The following SPAG16 variants were observed in gnomAD, a reference collection of about 807,000 sequenced individuals.
The protein encoded by SPAG16 is sperm associated antigen 16.
A neutral mutation model predicts 80.4 loss-of-function variants in SPAG16; 86 were observed. That is an observed-to-expected ratio of 1.07 (90% confidence interval 0.90 to 1.28). The LOEUF (loss-of-function observed/expected upper bound fraction) is 1.28. Ranked by LOEUF, SPAG16 falls within the 50% of genes most tolerant of loss-of-function variation. The pLI, the probability that SPAG16 is intolerant of heterozygous loss-of-function variation, is 0.00. For missense variants in SPAG16, 870 were observed against 765.3 expected (o/e 1.14, Z -1.61); for synonymous variants, 294 against 265.9 (o/e 1.11, Z -1.03).
intron 10 of SPAG16, among the ~76,000 whole-genome samples, chr2:213,745,776 CG>C (rs1411346426): frequency 1.3e-5 from 2 of 151,976 alleles, no homozygotes; most frequent in African/African-American, 2.4e-5. Context: ...AAAGGGACAT[CG>C]GTTTGATTTT....
chr2:213,507,014 G>C (rs1014652804), intron 10 of SPAG16, among the ~76,000 whole-genome samples: 5 of 152,172 alleles, frequency 3.3e-5, no homozygotes, highest in Non-Finnish European at 7.3e-5. Context: ...TTTCCTGCAA[G>C]CTTAGGCAAA....
intron 15 of SPAG16, among the ~76,000 whole-genome samples, chr2:214,376,955 G>A (rs115533670): frequency 1.2e-3 from 176 of 152,254 alleles, no homozygotes; most frequent in African/African-American, 4.1e-3. Context: ...TACACATGCA[G>A]GCACTTACAG....
intron 10 of SPAG16, among the ~76,000 whole-genome samples, chr2:213,614,045 C>G (rs558541323): frequency 6.6e-6 from 1 of 152,204 alleles, no homozygotes; most frequent in African/African-American, 2.4e-5. Context: ...TCCCATCCTC[C>G]TGTTGTGTTG....
rs746631450 is a variant in SPAG16, at chr2:213,375,083, A to G, written c.906A>G (p.Gln302=). Residue 302 remains glutamine (Q), a synonymous_variant, in exon 9 of 16, where the codon CAA becomes CAG. Transcript: ENST00000331683. The stretch of plus-strand genomic sequence containing the variant: ...AAGGTCTTCGTGAAGCCAGGGAACA[A>G]AACAAATGTAAAACAAAGATGAAAG... The part of the protein sequence containing the change: ...TQKGLREARE[Q]NKCKTKMKGN... The G allele has an allele frequency of 1.1e-5, 18 of 1,608,804 alleles. No homozygotes were observed. The East Asian group carries it at 3.8e-4, about 34-fold the overall frequency.
chr2:214,167,548 A>G (rs1423541534), intron 15 of SPAG16, among the ~76,000 whole-genome samples: 2 of 152,114 alleles, frequency 1.3e-5, no homozygotes, highest in Non-Finnish European at 2.9e-5. Flanking sequence ...AAAGGAAAGG[A>G]TACTTTACTG....
rs1440515424 is a variant in SPAG16, at chr2:213,895,769, C to A, written c.1214+33141C>A. ...AACTGGATCCCCATCTTTTACCACA[C>A]ACAAAAATAAAAATGGACTAAAGAC... is the stretch of plus-strand genomic sequence containing the variant. On this transcript the variant is annotated intron_variant, in intron 11 of 15. Transcript: ENST00000331683. Among the ~76,000 whole-genome samples, 3 of 151,976 alleles carry A rather than the reference C, an allele frequency of 2.0e-5. No individual in the cohort carries two copies. In the East Asian group the frequency reaches 5.8e-4, roughly 29 times the overall value.
chr2:213,481,549 A>C (rs2073749602), intron 9 of SPAG16, among the ~76,000 whole-genome samples: 2 of 152,210 alleles, frequency 1.3e-5, no homozygotes, highest in African/African-American at 4.8e-5. Flanking sequence ...ATAACTACAT[A>C]CTATGTAAGT....
chr2:214,142,452 G>A (rs912662265), intron 14 of SPAG16, among the ~76,000 whole-genome samples: 1 of 152,014 alleles, frequency 6.6e-6, no homozygotes, highest in African/African-American at 2.4e-5. Context: ...ATTTTTGGTA[G>A]CTTCTTTTGA....
intron 13 of SPAG16, among the ~76,000 whole-genome samples, chr2:214,041,032 GTTTAT>G (rs2048977360): frequency 6.6e-6 from 1 of 150,648 alleles, no homozygotes; most frequent in Non-Finnish European, 1.5e-5. Flanking sequence ...GAGCCTTTTT[GTTTAT>G]TTTATTTTTA....
chr2:213,637,389 G>T (rs1431820087), intron 10 of SPAG16, among the ~76,000 whole-genome samples: 1 of 152,164 alleles, frequency 6.6e-6, no homozygotes, highest in Non-Finnish European at 1.5e-5. Flanking sequence ...AGGCATATTG[G>T]TCTGTAGTTT....
intron 11 of SPAG16, among the ~76,000 whole-genome samples, chr2:213,920,781 C>G (rs1315681817): frequency 6.6e-6 from 1 of 152,222 alleles, no homozygotes; most frequent in Non-Finnish European, 1.5e-5. Context: ...CCTGTGGTAG[C>G]ATGTCGAGCC....
intron 13 of SPAG16, among the ~76,000 whole-genome samples, chr2:214,071,144 T>C (rs190245472): frequency 6.6e-6 from 1 of 152,242 alleles, no homozygotes; most frequent in Admixed American, 6.6e-5. Context: ...TGAAGACTTT[T>C]GTGATAGATA....
chr2:214,056,490 A>T (rs890901913), intron 13 of SPAG16, among the ~76,000 whole-genome samples: 5 of 151,026 alleles, frequency 3.3e-5, no homozygotes, highest in East Asian at 3.9e-4. Flanking sequence ...TTATTTTTTT[A>T]AAAAATGAGC....
At chr2:213,328,326 C>A (rs557973249) in intron 5 of SPAG16, among the ~76,000 whole-genome samples, 1 of 151,832 alleles carries the variant, frequency 6.6e-6, no homozygotes, top group African/African-American at 2.4e-5. Context: ...ATTCATTATT[C>A]TTTTTGCAAA....
chr2:213,417,663 A>G (rs2069336929), intron 9 of SPAG16, among the ~76,000 whole-genome samples: 1 of 152,212 alleles, frequency 6.6e-6, no homozygotes, highest in South Asian at 2.1e-4. Context: ...TTCAGAAAGT[A>G]TATTAAGGCA....
intron 15 of SPAG16, among the ~76,000 whole-genome samples, chr2:214,352,745 AT>A (rs1698509118): frequency 6.6e-6 from 1 of 151,802 alleles, no homozygotes; most frequent in Non-Finnish European, 1.5e-5. Context: ...TTTTTTATTT[AT>A]ATTTTTGCTC....
intron 10 of SPAG16, among the ~76,000 whole-genome samples, chr2:213,746,270 T>C (rs2067816751): frequency 6.6e-6 from 1 of 152,240 alleles, no homozygotes; most frequent in Non-Finnish European, 1.5e-5. Context: ...GTTGCAGAGT[T>C]CTGCAATTAC....
intron 15 of SPAG16, among the ~76,000 whole-genome samples, chr2:214,350,225 G>C (rs746369423): frequency 6.6e-5 from 10 of 152,148 alleles, no homozygotes; most frequent in Middle Eastern, 3.2e-3. Context: ...AGCAAATATA[G>C]AAAAATGTCA....
intron 15 of SPAG16, among the ~76,000 whole-genome samples, chr2:214,169,555 ATT>A (rs755437875): frequency 2.0e-4 from 31 of 152,006 alleles, no homozygotes; most frequent in Non-Finnish European, 4.3e-4. Flanking sequence ...TCTCTCCAAT[ATT>A]TTTGGAGAGA....
Sources: gnomAD v4.1 joint callset for allele counts (sites outside exome capture counted in the v4.1 genomes callset) on GRCh38, gnomAD v4.1.1 for gene constraint, MANE v1.5 for transcripts, NCBI Gene and HGNC (gene_info 2026-07-23, HGNC 2026-07-21) for gene names.